TMEM51: variants seen among roughly 807,000 people sequenced by gnomAD.
The protein encoded by TMEM51 is transmembrane protein 51, also known as chromosome 1 open reading frame 72.
Under a neutral mutation model 13.6 loss-of-function variants are expected in TMEM51, and 8 were observed. That is an observed-to-expected ratio of 0.59 (90% CI 0.35 to 1.07). The LOEUF is 1.07. Among genes scored for constraint, TMEM51 ranks in the 50% least tolerant of loss-of-function variants. The pLI is 0.02. For missense variants in TMEM51, 279 were observed against 330.7 expected, an observed-to-expected ratio of 0.84 and a Z score of 1.21; for synonymous variants, 147 against 144.4, an observed-to-expected ratio of 1.02 and a Z score of -0.13.
At position 15,207,621 on chromosome 1, in the gene TMEM51, C is replaced by A. The variant is rs1263523994; in HGVS notation, c.-266-2869C>A. Among the ~76,000 whole-genome samples the A allele has an allele frequency of 1.3e-5, 2 of 152,218 alleles. No homozygotes were observed. The highest frequency in any genetic ancestry group is 1.3e-4 in the Admixed American group (2 of 15,290). On this transcript the variant is annotated intron_variant, in intron 1 of 3. Coordinates refer to ENST00000376008, the MANE Select transcript of TMEM51 (RefSeq NM_001136218.2). This position sits in a 1 kb window ranked among gnomAD's most constrained non-coding sequence, Gnocchi z 4.6. ...CGACTCCTCCACACCCACTGCACAG[C>A]CCCTCCCTGCCGGCTCTGGTTGGCC...
At chr1:15,155,912 TAAG>T (rs1446726385) in intron 1 of TMEM51, among the ~76,000 whole-genome samples, 3 of 152,086 alleles carry the variant, frequency 2.0e-5, no homozygotes, top group East Asian at 1.9e-4. Flanking sequence ...ATCCATATGT[TAAG>T]AAGATAATCC....
chr1:15,198,558 C>T (rs1644094427), intron 1 of TMEM51, among the ~76,000 whole-genome samples: 1 of 152,114 alleles, frequency 6.6e-6, no homozygotes, highest in Non-Finnish European at 1.5e-5. Context: ...GCTGGGACTA[C>T]AGGTGTCCGC....
At chr1:15,219,051 A>G (rs1398883553) in intron 3 of TMEM51, among the ~76,000 whole-genome samples, 1 of 151,408 alleles carries the variant, frequency 6.6e-6, no homozygotes, top group African/African-American at 2.4e-5. Context: ...CTCCCAGGCT[A>G]AGCCCCAATT....
chr1:15,157,729 C>T lies in TMEM51; in HGVS notation c.-267+3775C>T, dbSNP rs76596895. Among the ~76,000 whole-genome samples the T allele has an allele frequency of 4.0e-3, 609 of 152,252 alleles. 3 individuals are homozygous for T. The highest frequency in any genetic ancestry group is 0.014 in the African/African-American group (588 of 41,542). On this transcript the variant is annotated intron_variant, in intron 1 of 3. Coordinates refer to ENST00000376008, the MANE Select transcript of TMEM51 (RefSeq NM_001136218.2). ...TCTGTTCAAACTGGCATTAACACCA[C>T]GGCATGAGCTAGTGAGTGCATTTAT...
At chr1:15,190,264 C>G (rs1042212711) in intron 1 of TMEM51, among the ~76,000 whole-genome samples, 3 of 152,182 alleles carry the variant, frequency 2.0e-5, no homozygotes, top group Admixed American at 6.5e-5. Context: ...GTTTGTGACT[C>G]TAGCATGGGA....
chr1:15,212,876 TATATGCA>T (rs1419375382), intron 2 of TMEM51, among the ~76,000 whole-genome samples: 12 of 152,220 alleles, frequency 7.9e-5, no homozygotes, highest in African/African-American at 2.7e-4. Flanking sequence ...TGCATAAACA[TATATGCA>T]CACGTGTTCA....
rs541286914 is a variant in TMEM51, at chr1:15,205,876, C to T, written c.-266-4614C>T. 2.6e-5 allele frequency among the ~76,000 whole-genome samples: 4 copies of T among 152,188 alleles called. No homozygotes were observed. In the South Asian group the frequency reaches 8.3e-4, roughly 32 times the overall value. The stretch of plus-strand genomic sequence containing the variant: ...GTCTGTCTCATGTATCTCGGTATCC[C>T]CCAAAGCTCCTGGCATACAGTAGGG... On this transcript the variant is annotated intron_variant, in intron 1 of 3. Transcript: ENST00000376008.
chr1:15,186,185 T>G (rs1643768050), intron 1 of TMEM51, among the ~76,000 whole-genome samples: 1 of 150,994 alleles, frequency 6.6e-6, no homozygotes, highest in Admixed American at 6.6e-5. Flanking sequence ...AGGTTGGGGG[T>G]AAATGGCGTG....
intron 1 of TMEM51, among the ~76,000 whole-genome samples, chr1:15,160,081 A>G (rs1449738569): frequency 6.6e-6 from 1 of 152,116 alleles, no homozygotes; most frequent in Admixed American, 6.5e-5. Flanking sequence ...GTGGCTCTAA[A>G]TCTTGGGCAA....
chr1:15,180,357 C>T (rs376356844), intron 1 of TMEM51, among the ~76,000 whole-genome samples: 10 of 152,346 alleles, frequency 6.6e-5, no homozygotes, highest in Admixed American at 1.3e-4. Context: ...GGCCATGTGC[C>T]GGGCATCACA....
chr1:15,159,912 G>C (rs1303639953), intron 1 of TMEM51, among the ~76,000 whole-genome samples: 3 of 152,196 alleles, frequency 2.0e-5, no homozygotes, highest in African/African-American at 7.2e-5. Flanking sequence ...AGAGGCCTTT[G>C]AGATGATAAG....
rs754739974 is a variant in TMEM51 at position 15,219,751 on chromosome 1, C to T, written c.*8C>T. 1.6e-5 allele frequency: 26 copies of T among 1,610,756 alleles called. No homozygotes were observed. Among genetic ancestry groups the T allele is most frequent in the Middle Eastern group, 3.3e-4 (2 of 6,004 alleles). On this transcript the variant is annotated 3_prime_UTR_variant, in exon 4 of 4. Transcript: ENST00000376008. Reference sequence around the variant, plus strand: ...ACCCGGCCGCCCGACTGAATGGCCCCACTTGAGCCACGCTCCCTCCTGTCT... The same window carrying T: ...ACCCGGCCGCCCGACTGAATGGCCCTACTTGAGCCACGCTCCCTCCTGTCT...
chr1:15,161,143 G>A lies in TMEM51; in HGVS notation c.-267+7189G>A, dbSNP rs1278345155. Among the ~76,000 whole-genome samples the A allele has an allele frequency of 6.6e-6, 1 of 152,096 alleles. No homozygotes were observed. The highest frequency in any genetic ancestry group is 2.4e-5 in the African/African-American group (1 of 41,330). On this transcript the variant is annotated intron_variant, in intron 1 of 3. Transcript: ENST00000376008. This position sits in a 1 kb window ranked among gnomAD's most constrained non-coding sequence, Gnocchi z 4.0. ...TTAACACAGGCCAATACTGAGTGTA[G>A]AAACGCTGCACTCAGGGCAGATGCT... is the stretch of plus-strand genomic sequence containing the variant.
At chr1:15,171,913 C>T (rs1188206420) in intron 1 of TMEM51, among the ~76,000 whole-genome samples, 1 of 152,154 alleles carries the variant, frequency 6.6e-6, no homozygotes, top group Non-Finnish European at 1.5e-5. Flanking sequence ...TCCCAACAAC[C>T]CCTTGCTCAG....
chr1:15,206,455 C>A (rs1342189013), intron 1 of TMEM51, among the ~76,000 whole-genome samples: 1 of 152,098 alleles, frequency 6.6e-6, no homozygotes, highest in Admixed American at 6.6e-5. Context: ...AGAAAGTGGC[C>A]CCCAGGGACT....
At chr1:15,163,830 G>A (rs556328722) in intron 1 of TMEM51, among the ~76,000 whole-genome samples, 2 of 144,854 alleles carry the variant, frequency 1.4e-5, no homozygotes, top group Non-Finnish European at 3.0e-5. Flanking sequence ...CTTTTTTTGG[G>A]GGGGGGGAGG....
chr1:15,219,536 C>A lies in TMEM51; in HGVS notation c.555C>A (p.Asn185Lys), dbSNP rs369757007. ...TRADVEASPG[N>K]PPDRQNSKLA... ...CTGACGTGGAGGCCAGCCCTGGGAACCCCCCTGACAGGCAGAACTCTAAGT... is the reference window on the plus strand; with the variant it reads ...CTGACGTGGAGGCCAGCCCTGGGAAACCCCCTGACAGGCAGAACTCTAAGT... Residue 185 changes from asparagine to lysine, a missense_variant, in exon 4 of 4, where the codon AAC becomes AAA. By Grantham distance (94) the Asn-to-Lys change is moderately conservative. Transcript: ENST00000376008. The A allele has an allele frequency of 1.2e-5, 19 of 1,614,090 alleles. No homozygotes were observed. Among genetic ancestry groups the A allele is most frequent in the Non-Finnish European group, 1.6e-5 (19 of 1,180,024 alleles).
At chr1:15,210,285 C>G (rs1454054592) in intron 1 of TMEM51, among the ~76,000 whole-genome samples, 1 of 152,162 alleles carries the variant, frequency 6.6e-6, no homozygotes, top group East Asian at 1.9e-4. Flanking sequence ...TGTTAGCTAC[C>G]ATGTTGTCAT....
Position 15,215,181 on chromosome 1 carries a change from A to T in TMEM51, c.94A>T (p.Asn32Tyr). The T allele has an allele frequency of 6.2e-7, 1 of 1,614,186 alleles. No homozygotes were observed. Among genetic ancestry groups the T allele is most frequent in the East Asian group, 2.2e-5 (1 of 44,894 alleles). The change falls in exon 3 of 4, where the codon AAC (asparagine) becomes TAC (tyrosine). Residue 32 changes from asparagine to tyrosine, a missense_variant. By Grantham distance (143) the Asn-to-Tyr change is moderately radical. Coordinates refer to ENST00000376008, the MANE Select transcript of TMEM51 (RefSeq NM_001136218.2). Reference protein sequence around the residue: ...LVLGVIMAMWNLVPGFSAAEK... With the variant: ...LVLGVIMAMWYLVPGFSAAEK... ...CCTTGGGGTGATCATGGCCATGTGG[A>T]ACCTGGTACCCGGCTTCAGCGCGGC...
Sources: gnomAD v4.1 joint callset for allele counts (sites outside exome capture counted in the v4.1 genomes callset) on GRCh38, gnomAD v4.1.1 for gene constraint, Gnocchi (gnomAD v3.1) non-coding constraint, MANE v1.5 for transcripts, NCBI Gene and HGNC (gene_info 2026-07-23, HGNC 2026-07-21) for gene names.